DEPDC5: variants seen among roughly 807,000 people sequenced by gnomAD.
The protein encoded by DEPDC5 is GATOR1 complex protein DEPDC5.
In DEPDC5, 73 loss-of-function variants were observed where a neutral mutation model predicts 217.3. The ratio of observed to expected loss-of-function variants is 0.34; its 90% CI spans 0.28 to 0.41. DEPDC5 has a LOEUF of 0.41. DEPDC5 is among the 10% of genes least tolerant of loss of function. The pLI is 1.00. For synonymous variants in DEPDC5, 733 were observed against 756.7 expected (o/e 0.97, Z 0.51); for missense variants, 1,675 against 2,070.1 (o/e 0.81, Z 3.70).
rs752274547 is a variant in DEPDC5, at chr22:31,822,696, C to A, written c.2010C>A (p.His670Gln). The A allele has an allele frequency of 4.0e-5, 65 of 1,613,924 alleles. No individual in the cohort carries two copies. In the Admixed American group the frequency reaches 7.0e-4, roughly 17 times the overall value. The change falls in exon 24 of 43, where the codon CAC becomes CAA. Residue 670 changes from histidine (H) to glutamine (Q), a missense_variant. Transcript: ENST00000651528. ...ELAYHEAAGR[H>Q]SNSRQPGDGM... Reference sequence around the variant, plus strand: ...GGCTGGGCTCTGTTCTCTGCAGGCACAGCAATTCCCGCCAGCCTGGTGACG... The same window carrying A: ...GGCTGGGCTCTGTTCTCTGCAGGCAAAGCAATTCCCGCCAGCCTGGTGACG...
In DEPDC5 at chr22:31,907,348, C is replaced by T. The variant is rs9609381; in HGVS notation, c.*851C>T. 6,986 of 152,144 alleles carry T rather than the reference C, an allele frequency of 0.046. 205 individuals carry two copies. Among genetic ancestry groups the T allele is most frequent in the Non-Finnish European group, 0.076 (5,149 of 67,988 alleles). 9.4% of individuals were successfully genotyped at this position (152,144 alleles called of 1,614,324 possible). A position where few individuals can be genotyped will look rare whatever the true frequency, so the allele number is the denominator to read the frequency against. ...GCATTCTGAAAAAAATCAAAGGAAA[C>T]ATTTTGTAGACTCTAACTTAGGTTT... On this transcript the variant is annotated 3_prime_UTR_variant, in exon 43 of 43. Coordinates refer to ENST00000651528, the MANE Select transcript of DEPDC5 (RefSeq NM_001242896.3).
chr22:31,799,770 G>A (rs113549546), intron 14 of DEPDC5, among the ~76,000 whole-genome samples: 1 of 145,920 alleles, frequency 6.9e-6, no homozygotes, highest in East Asian at 2.0e-4. Context: ...AAAGTGTTGG[G>A]ATTACAGGCA....
chr22:31,767,048 T>C (rs2082877990), intron 6 of DEPDC5, among the ~76,000 whole-genome samples: 1 of 152,152 alleles, frequency 6.6e-6, no homozygotes, highest in South Asian at 2.1e-4. Context: ...CAAGGCTAGA[T>C]AGTAAGTTGA....
chr22:31,793,446 C>A (rs1421947632), intron 12 of DEPDC5, among the ~76,000 whole-genome samples: 1 of 151,656 alleles, frequency 6.6e-6, no homozygotes, highest in Non-Finnish European at 1.5e-5. Flanking sequence ...ATATTTGATT[C>A]ATCTGTTTTT....
At chr22:31,865,493 T>TCAAAACAAAA (rs111677630) in intron 33 of DEPDC5, among the ~76,000 whole-genome samples, 1 of 151,876 alleles carries the variant, frequency 6.6e-6, no homozygotes, top group African/African-American at 2.4e-5. Flanking sequence ...AAGACCTGTC[T>TCAAAACAAAA]CAAAACAAAA....
intron 14 of DEPDC5, among the ~76,000 whole-genome samples, chr22:31,802,129 T>TC (rs1426263564): frequency 6.9e-6 from 1 of 145,428 alleles, no homozygotes; most frequent in Non-Finnish European, 1.5e-5. Context: ...CATGAATTTT[T>TC]TTTTTTTTTT....
rs142083949 is a variant in DEPDC5, at chr22:31,839,702, A to G, written c.2515+857A>G. 2.8e-3 allele frequency among the ~76,000 whole-genome samples: 427 copies of G among 152,024 alleles called. 3 individuals are homozygous for G. Among genetic ancestry groups the G allele is most frequent in the African/African-American group, 9.6e-3 (397 of 41,538 alleles). ...ATTTTCTTTGAAAGCCCCTTGTGAC[A>G]TTTATCACATGTTGCCTTGTATTCA... On this transcript the variant is annotated intron_variant, in intron 27 of 42. Transcript: ENST00000651528.
intron 41 of DEPDC5, among the ~76,000 whole-genome samples, chr22:31,905,732 A>G (rs925162584): frequency 6.6e-6 from 1 of 151,968 alleles, no homozygotes; most frequent in Non-Finnish European, 1.5e-5. Context: ...GGTGGTAGTG[A>G]CATGGTGGAC....
intron 32 of DEPDC5, chr22:31,857,812 G>C (rs913468321): frequency 3.2e-6 from 1 of 312,436 alleles, no homozygotes; most frequent in Non-Finnish European, 5.9e-6. Flanking sequence ...CACTTTGGGA[G>C]GCCGAGGCTG....
intron 40 of DEPDC5, among the ~76,000 whole-genome samples, chr22:31,898,235 A>C (rs1400330712): frequency 6.6e-6 from 1 of 152,038 alleles, no homozygotes; most frequent in Non-Finnish European, 1.5e-5. Context: ...CCCTCTGGGA[A>C]AGGTTTTCAA....
At chr22:31,777,157 G>A (rs2083950363) in intron 7 of DEPDC5, among the ~76,000 whole-genome samples, 1 of 146,692 alleles carries the variant, frequency 6.8e-6, no homozygotes, top group Non-Finnish European at 1.5e-5. Flanking sequence ...ATGGGGTTTC[G>A]CTGTGTTGGC....
intron 39 of DEPDC5, among the ~76,000 whole-genome samples, chr22:31,896,564 A>C: frequency 6.6e-6 from 1 of 152,028 alleles, no homozygotes; most frequent in East Asian, 1.9e-4. Context: ...GGTTAAAAAG[A>C]GTATCTCAAG....
At chr22:31,822,659 A>C (rs369475519) in intron 23 of DEPDC5, 34 bp from the exon 24 acceptor site, 5 of 1,609,202 alleles carry the variant, frequency 3.1e-6, no homozygotes, top group Non-Finnish European at 4.3e-6. Flanking sequence ...GATGATCTAC[A>C]TTAAGCCAGG....
intron 31 of DEPDC5, among the ~76,000 whole-genome samples, chr22:31,848,334 G>A (rs1220230031): frequency 1.3e-5 from 2 of 152,110 alleles, no homozygotes; most frequent in Non-Finnish European, 2.9e-5. Context: ...TTTTCCTTCC[G>A]CACTGCCCTA....
intron 5 of DEPDC5, among the ~76,000 whole-genome samples, chr22:31,766,198 A>G (rs926461948): frequency 2.6e-5 from 4 of 152,208 alleles, no homozygotes; most frequent in Non-Finnish European, 4.4e-5. Context: ...TTTAAAATGT[A>G]TTCTCATTTT....
rs960484875 is a variant in DEPDC5, at chr22:31,897,474, T to C, written c.4204-8T>C. The C allele has an allele frequency of 4.4e-6, 7 of 1,608,248 alleles. No individual in the cohort carries two copies. Among genetic ancestry groups the C allele is most frequent in the Non-Finnish European group, 5.1e-6 (6 of 1,176,654 alleles). ...GATGATATTGTTTGTTTCTGTACTT[T>C]CCGCCAGGTCCAAGGTTGGCATCGG... On this transcript the variant is annotated splice_region_variant and splice_polypyrimidine_tract_variant and intron_variant, in intron 39 of 42. Coordinates refer to ENST00000651528, the MANE Select transcript of DEPDC5 (RefSeq NM_001242896.3).
chr22:31,760,820 T>C (rs1436186034), intron 4 of DEPDC5, 118 bp downstream of exon 4: 4 of 845,768 alleles, frequency 4.7e-6, no homozygotes, highest in Non-Finnish European at 7.2e-6. Flanking sequence ...TTTAAACAAA[T>C]TTTAATTTAA....
chr22:31,877,765 A>C (rs1020732977), intron 37 of DEPDC5, among the ~76,000 whole-genome samples: 2 of 150,784 alleles, frequency 1.3e-5, no homozygotes, highest in African/African-American at 2.4e-5. Flanking sequence ...AAAAAAAAAA[A>C]AAAAAAAAAC....
chr22:31,836,186 G>C (rs537791431), intron 25 of DEPDC5, among the ~76,000 whole-genome samples: 290 of 152,358 alleles, frequency 1.9e-3, no homozygotes, highest in African/African-American at 6.9e-3. Flanking sequence ...GACATTTCTG[G>C]TTTTCACAGC....
Sources: gnomAD v4.1 joint callset for allele counts (sites outside exome capture counted in the v4.1 genomes callset) on GRCh38, gnomAD v4.1.1 for gene constraint, MANE v1.5 for transcripts, NCBI Gene and HGNC (gene_info 2026-07-23, HGNC 2026-07-21) for gene names.